The following BRDT variants were observed in gnomAD, a reference collection of about 807,000 sequenced individuals.
The protein encoded by BRDT is bromodomain testis associated, also known as bromodomain testis-specific protein.
Under a neutral mutation model 113.9 loss-of-function variants are expected in BRDT, and 77 were observed. That is an observed-to-expected ratio of 0.68 (90% CI 0.56 to 0.82). BRDT has a LOEUF of 0.82. BRDT is among the 40% of genes least tolerant of loss of function. The pLI is 0.00. For missense variants in BRDT, 1,027 were observed against 1,105.4 expected (o/e 0.93, Z 1.01); for synonymous variants, 358 against 366.5 (o/e 0.98, Z 0.26).
chr1:91,963,004 T>C, intron 2 of BRDT, 58 bp downstream of exon 2: 3 of 1,355,642 alleles, frequency 2.2e-6, no homozygotes, highest in South Asian at 1.5e-5. Flanking sequence ...TAAATTTCTG[T>C]AAGACATAAC....
chr1:92,014,202 A>G lies in BRDT; in HGVS notation c.2776-4A>G, dbSNP rs760998447. On this transcript the variant is annotated splice_region_variant and splice_polypyrimidine_tract_variant and intron_variant, in intron 18 of 18. Coordinates refer to ENST00000399546, the MANE Select transcript of BRDT (RefSeq NM_207189.4). Reference sequence around the variant, plus strand: ...AATATTAAAATTTTCTGCTTTTTCTACAGATGGTGGGTACCATTGATATGA... The same window carrying G: ...AATATTAAAATTTTCTGCTTTTTCTGCAGATGGTGGGTACCATTGATATGA... The G allele has an allele frequency of 2.3e-5, 36 of 1,580,024 alleles. No individual in the cohort carries two copies. Among genetic ancestry groups the G allele is most frequent in the Non-Finnish European group, 2.7e-5 (32 of 1,167,706 alleles).
intron 8 of BRDT, among the ~76,000 whole-genome samples, 174 bp from the exon 9 acceptor site, chr1:91,980,469 A>G (rs1435294155): frequency 6.6e-6 from 1 of 152,252 alleles, no homozygotes; most frequent in South Asian, 2.1e-4. Context: ...GTAATTTAAT[A>G]TATGCCTTTT....
chr1:91,984,338 C>A (rs977180935), intron 12 of BRDT, among the ~76,000 whole-genome samples: 2 of 151,780 alleles, frequency 1.3e-5, no homozygotes, highest in Admixed American at 6.6e-5. Context: ...CTGGGAACAA[C>A]AACACACACA....
intron 6 of BRDT, 79 bp from the exon 7 acceptor site, chr1:91,978,089 A>G (rs1033394381): frequency 2.3e-6 from 3 of 1,308,886 alleles, no homozygotes; most frequent in Non-Finnish European, 3.2e-6. Flanking sequence ...TTATTTTGTA[A>G]TATGAACATT....
chr1:91,964,652 C>A lies in BRDT; in HGVS notation c.218C>A (p.Pro73Gln). 6.9e-7 allele frequency: 1 copy of A among 1,449,694 alleles called. No homozygotes were observed. The highest frequency in any genetic ancestry group is 9.5e-7 in the Non-Finnish European group (1 of 1,057,012). 89.8% of individuals were successfully genotyped at this position (1,449,694 alleles called of 1,614,324 possible). The change falls in exon 3 of 19, where the codon CCA becomes CAA. Residue 73 changes from proline to glutamine, a missense_variant. Pro to Gln is a moderately conservative substitution (Grantham distance 76). Coordinates refer to ENST00000399546, the MANE Select transcript of BRDT (RefSeq NM_207189.4). The part of the protein sequence containing the change: ...LPDYYTIIKN[P>Q]MDLNTIKKRL... ...GATTATTATACCATTATAAAAAACCCAATGGATTTAAATACAATTAAGAAG... is the reference window on the plus strand; with the variant it reads ...GATTATTATACCATTATAAAAAACCAAATGGATTTAAATACAATTAAGAAG...
At chr1:91,990,188 A>T (rs1356790100) in intron 12 of BRDT, among the ~76,000 whole-genome samples, 3 of 152,164 alleles carry the variant, frequency 2.0e-5, no homozygotes, top group African/African-American at 7.2e-5. Flanking sequence ...TGTTGGAGAG[A>T]TCTCTTTTTA....
At chr1:92,013,540 A>ATATC (rs1265646771) in intron 18 of BRDT, among the ~76,000 whole-genome samples, 4 of 152,334 alleles carry the variant, frequency 2.6e-5, no homozygotes, top group Admixed American at 1.3e-4. Flanking sequence ...ATGCTAAAGA[A>ATATC]TATCTATAAG....
In BRDT at chr1:92,004,474, G is replaced by T. The variant is rs1170190109; in HGVS notation, c.2449G>T (p.Gly817Cys). The change falls in exon 17 of 19, where the codon GGT (glycine) becomes TGT (cysteine). Residue 817 changes from glycine to cysteine, a missense_variant. Coordinates refer to ENST00000399546, the MANE Select transcript of BRDT (RefSeq NM_207189.4). ...KSLGKPVKPS[G>C]VMKSSDELFN... The stretch of plus-strand genomic sequence containing the variant: ...TTTAGGCAAACCAGTGAAACCATCA[G>T]GTGTAATGAAATCCTCAGATGAGCT... 7.4e-6 allele frequency: 12 copies of T among 1,612,254 alleles called. No individual in the cohort carries two copies. Among genetic ancestry groups the T allele is most frequent in the Non-Finnish European group, 9.3e-6 (11 of 1,179,524 alleles).
intron 1 of BRDT, among the ~76,000 whole-genome samples, chr1:91,962,453 C>T: frequency 6.6e-6 from 1 of 152,002 alleles, no homozygotes; most frequent in East Asian, 1.9e-4. Context: ...CCCTCCTCAC[C>T]CTCCTAAGTA....
intron 18 of BRDT, among the ~76,000 whole-genome samples, chr1:92,011,779 T>C: frequency 6.6e-6 from 1 of 152,174 alleles, no homozygotes; most frequent in East Asian, 1.9e-4. Flanking sequence ...AACCCGACCT[T>C]GGATCTATTT....
intron 15 of BRDT, among the ~76,000 whole-genome samples, chr1:92,000,029 C>G (rs1323040526): frequency 6.6e-6 from 1 of 152,208 alleles, no homozygotes; most frequent in Non-Finnish European, 1.5e-5. Context: ...ATGTGTGCCA[C>G]CATGCCCAGC....
At chr1:91,999,805 G>A (rs561555030) in intron 15 of BRDT, among the ~76,000 whole-genome samples, 1 of 152,260 alleles carries the variant, frequency 6.6e-6, no homozygotes, top group South Asian at 2.1e-4. Context: ...TCTACTAAAT[G>A]TCTTTACTTA....
At chr1:91,967,773 T>C (rs543934519) in intron 3 of BRDT, among the ~76,000 whole-genome samples, 1 of 152,150 alleles carries the variant, frequency 6.6e-6, no homozygotes, top group Non-Finnish European at 1.5e-5. Context: ...CCTCAGATGA[T>C]CTACCCCCGC....
chr1:91,977,783 C>T (rs1557830125), intron 6 of BRDT, among the ~76,000 whole-genome samples: 1 of 151,316 alleles, frequency 6.6e-6, no homozygotes, highest in African/African-American at 2.4e-5. Context: ...TCACGAGAAT[C>T]ACTTGAACCT....
rs759907769 is a variant in BRDT at position 91,978,195 on chromosome 1, G to C, written c.997G>C (p.Asp333His). 1 of 1,613,410 alleles carries C rather than the reference G, an allele frequency of 6.2e-7. No homozygotes were observed. Among genetic ancestry groups the C allele is most frequent in the South Asian group, 1.1e-5 (1 of 91,032 alleles). Residue 333 changes from aspartate to histidine, a missense_variant, in exon 7 of 19, where the codon GAT (aspartate) becomes CAT (histidine). Physicochemically the swap from Asp to His is moderately conservative, Grantham distance 81. Transcript: ENST00000399546. The stretch of plus-strand genomic sequence containing the variant: ...GAAAATGGATAACCAAGAATATAAG[G>C]ATGCATACAAATTTGCGGCAGATGT... ...KEKMDNQEYK[D>H]AYKFAADVRL... is the part of the protein sequence containing the mutation.
chr1:91,955,499 G>T (rs907686284), intron 1 of BRDT, among the ~76,000 whole-genome samples: 3 of 152,098 alleles, frequency 2.0e-5, no homozygotes, highest in African/African-American at 7.2e-5. Context: ...GGGTTCTTTT[G>T]TAGGACTCTT....
chr1:91,975,129 C>T (rs896044394), intron 4 of BRDT, among the ~76,000 whole-genome samples: 7 of 151,220 alleles, frequency 4.6e-5, no homozygotes, highest in Non-Finnish European at 8.8e-5. Context: ...CGGGGCCTGT[C>T]GTGGGGTAGG....
intron 15 of BRDT, among the ~76,000 whole-genome samples, chr1:91,998,437 A>G (rs1236903243): frequency 1.3e-5 from 2 of 152,186 alleles, no homozygotes; most frequent in Admixed American, 1.3e-4. Flanking sequence ...GCAAACCACT[A>G]TGGCACGTGT....
intron 15 of BRDT, among the ~76,000 whole-genome samples, chr1:92,001,658 T>C (rs1266935102): frequency 1.3e-5 from 2 of 151,600 alleles, no homozygotes; most frequent in East Asian, 3.9e-4. Context: ...ATTGCACCAC[T>C]GTACTTCAGC....
Sources: allele counts gnomAD v4.1 joint callset (sites outside exome capture counted in the v4.1 genomes callset), GRCh38; gene constraint gnomAD v4.1.1; transcripts MANE v1.5; gene names NCBI Gene and HGNC (gene_info 2026-07-23, HGNC 2026-07-21).